The following GNLY variants were observed in gnomAD, a reference collection of about 807,000 sequenced individuals.
GNLY encodes granulysin.
GNLY carries 15 observed loss-of-function variants against 18.5 expected under a neutral mutation model. That is an observed-to-expected ratio of 0.81 (90% CI 0.54 to 1.25). The LOEUF (loss-of-function observed/expected upper bound fraction) is 1.25. Among genes scored for constraint, GNLY ranks in the 50% most tolerant of loss-of-function variants. The pLI is 0.00. For synonymous variants in GNLY, 77 were observed against 74.9 expected (o/e 1.03, Z -0.14); for missense variants, 178 against 186.9 (o/e 0.95, Z 0.28).
At chr2:85,695,685 G>A (rs1448469276) in intron 2 of GNLY, among the ~76,000 whole-genome samples, 1 of 152,192 alleles carries the variant, frequency 6.6e-6, no homozygotes. Context: ...AGACTCCCCT[G>A]GGAGTTCCTC....
Position 85,696,016 on chromosome 2 carries a change from T to C in GNLY, c.215T>C (p.Ile72Thr), listed in dbSNP as rs757879664. 15 of 1,612,142 alleles carry C rather than the reference T, an allele frequency of 9.3e-6. No homozygotes were observed. The Admixed American group carries it at 2.3e-4, about 25-fold the overall frequency. Residue 72 changes from isoleucine to threonine, a missense_variant, in exon 3 of 5, where the codon ATA (isoleucine) becomes ACA (threonine). By Grantham distance (89) the Ile-to-Thr change is moderately conservative. Coordinates refer to ENST00000263863, the MANE Select transcript of GNLY (RefSeq NM_006433.5). The part of the protein sequence containing the change: ...LGRDYRTCLT[I>T]VQKLKKMVDK... Reference sequence around the variant, plus strand: ...CGTGACTACAGGACCTGTCTGACGATAGTCCAAAAACTGAAGAAGATGGTG... The same window carrying C: ...CGTGACTACAGGACCTGTCTGACGACAGTCCAAAAACTGAAGAAGATGGTG...
intron 3 of GNLY, 91 bp downstream of exon 3, chr2:85,696,147 C>T (rs866114045): frequency 1.4e-6 from 1 of 691,660 alleles, no homozygotes. Context: ...CCCGGGGGCA[C>T]CTTGCACAGT....
In GNLY at chr2:85,697,635, C is replaced by T; in HGVS notation, c.385C>T (p.Gln129Ter). 1.2e-6 allele frequency: 2 copies of T among 1,613,534 alleles called. No individual in the cohort carries two copies. Among genetic ancestry groups the T allele is most frequent in the South Asian group, 1.1e-5 (1 of 91,070 alleles). Reference protein sequence around the residue: ...TQGLVAGETAQQICEDLRLCI... With the variant: ...TQGLVAGETA Reference sequence around the variant, plus strand: ...GGGCCTCGTGGCCGGAGAAACTGCCCAGCAGATCTGTGAGGACCTCAGGTT... The same window carrying T: ...GGGCCTCGTGGCCGGAGAAACTGCCTAGCAGATCTGTGAGGACCTCAGGTT... The change falls in exon 4 of 5, where the codon CAG (glutamine) becomes TAG (stop). Residue 129 changes from glutamine (Q) to a stop codon, truncating the protein, a stop_gained. Coordinates refer to ENST00000263863, the MANE Select transcript of GNLY (RefSeq NM_006433.5). LOFTEE classifies it high-confidence loss of function.
At chr2:85,695,848 T>C in intron 2 of GNLY, 110 bp from the exon 3 acceptor site, 1 of 671,818 alleles carries the variant, frequency 1.5e-6, no homozygotes, top group East Asian at 2.7e-5. Context: ...TGGGAAGAGA[T>C]CACGGACATT....
Position 85,698,849 on chromosome 2 carries a change from C to T in GNLY, c.*275C>T. On this transcript the variant is annotated 3_prime_UTR_variant, in exon 5 of 5. Coordinates refer to ENST00000263863, the MANE Select transcript of GNLY (RefSeq NM_006433.5). The stretch of plus-strand genomic sequence containing the variant: ...CCTTCAATAAATGTCTGTCGTGTGT[C>T]CCATACACTGTTGTAGATGTTATGG... 2.8e-6 allele frequency: 4 copies of T among 1,405,720 alleles called. No individual in the cohort carries two copies. Among genetic ancestry groups the T allele is most frequent in the Non-Finnish European group, 3.7e-6 (4 of 1,077,812 alleles). 87.1% of individuals were successfully genotyped at this position (1,405,720 alleles called of 1,614,324 possible).
In GNLY at chr2:85,694,486, C is replaced by A; in HGVS notation, c.52+16C>A. 1 of 1,612,628 alleles carries A rather than the reference C, an allele frequency of 6.2e-7. No homozygotes were observed. The highest frequency in any genetic ancestry group is 8.5e-7 in the Non-Finnish European group (1 of 1,178,744). On this transcript the variant is annotated intron_variant, in intron 1 of 4. Transcript: ENST00000263863. ...GGCAACCCAGGTAAGGCCTTCCCCT[C>A]GGGATCGATCCTGATGGCCCACCCA... is the stretch of plus-strand genomic sequence containing the variant.
rs1209987529 is a variant in GNLY, at chr2:85,694,459, T to C, written c.41T>C (p.Leu14Pro). The stretch of plus-strand genomic sequence containing the variant: ...CTCCTGCTCCTTGCAGCCATGCTCC[T>C]GGGCAACCCAGGTAAGGCCTTCCCC... Reference protein sequence around the residue: ...WALLLLAAMLLGNPGLVFSRL... With the variant: ...WALLLLAAMLPGNPGLVFSRL... The change falls in exon 1 of 5, where the codon CTG becomes CCG. Residue 14 changes from leucine (L) to proline (P), a missense_variant. Transcript: ENST00000263863. 2 of 1,613,958 alleles carry C rather than the reference T, an allele frequency of 1.2e-6. No individual in the cohort carries two copies. Among genetic ancestry groups the C allele is most frequent in the Non-Finnish European group, 1.7e-6 (2 of 1,179,970 alleles).
In GNLY at chr2:85,694,978, T is replaced by C. The variant is rs145130201; in HGVS notation, c.53-342T>C. ...TTCTGGAAGGGAGAGTGGATTTGGC[T>C]GGGCCATCTGGATGGAAGGTAAAAA... On this transcript the variant is annotated intron_variant, in intron 1 of 4. Transcript: ENST00000263863. 9.0e-5 allele frequency: 143 copies of C among 1,593,230 alleles called. No individual in the cohort carries two copies. In the African/African-American group the frequency reaches 1.5e-3, roughly 17 times the overall value.
Position 85,694,434 on chromosome 2 carries a change from C to T in GNLY, c.16C>T (p.Leu6Phe), listed in dbSNP as rs761285758. The T allele has an allele frequency of 3.1e-6, 5 of 1,614,064 alleles. No homozygotes were observed. Among genetic ancestry groups the T allele is most frequent in the Non-Finnish European group, 4.2e-6 (5 of 1,180,030 alleles). The change falls in exon 1 of 5, where the codon CTC (leucine) becomes TTC (phenylalanine). Residue 6 changes from leucine to phenylalanine, a missense_variant. Physicochemically the swap from Leu to Phe is conservative, Grantham distance 22. Coordinates refer to ENST00000263863, the MANE Select transcript of GNLY (RefSeq NM_006433.5). ...CTGCCCCACCATGGCTACCTGGGCC[C>T]TCCTGCTCCTTGCAGCCATGCTCCT... MATWA[L>F]LLLAAMLLGN...
chr2:85,695,050 G>T, intron 1 of GNLY: 1 of 1,515,070 alleles, frequency 6.6e-7, no homozygotes, highest in South Asian at 1.2e-5. Flanking sequence ...TAGACAAACC[G>T]ACCCCCAAAT....
intron 3 of GNLY, 94 bp downstream of exon 3, chr2:85,696,150 T>G (rs939469282): frequency 1.5e-6 from 1 of 676,990 alleles, no homozygotes; most frequent in Middle Eastern, 3.9e-4. Context: ...GGGGGCACCT[T>G]GCACAGTGAT....
rs568141262 is a variant in GNLY, at chr2:85,698,781, T to G, written c.*207T>G. ...GCAGCTGCTTCTTCTTTGGTGGATT[T>G]GAGGGGTGGGTGTCAGTGGCATGCT... On this transcript the variant is annotated 3_prime_UTR_variant, in exon 5 of 5. Transcript: ENST00000263863. 9.8e-5 allele frequency: 147 copies of G among 1,505,568 alleles called. No individual in the cohort carries two copies. Among genetic ancestry groups the G allele is most frequent in the Non-Finnish European group, 1.3e-4 (145 of 1,128,914 alleles). 93.3% of individuals were successfully genotyped at this position (1,505,568 alleles called of 1,614,324 possible).
At chr2:85,694,865 C>T in intron 1 of GNLY, 4 of 1,535,500 alleles carry the variant, frequency 2.6e-6, no homozygotes, top group South Asian at 1.2e-5. Context: ...AACAAGATCT[C>T]TTCTGTGTTC....
Position 85,698,674 on chromosome 2 carries a change from T to C in GNLY, c.*100T>C, listed in dbSNP as rs185536414. ...GGCTCCTCGCTTCCTCGATCCAGAA[T>C]CCACTCTCCAGTCTCCCTCCCCTGA... On this transcript the variant is annotated 3_prime_UTR_variant, in exon 5 of 5. Transcript: ENST00000263863. 4,355 of 1,607,586 alleles carry C rather than the reference T, an allele frequency of 2.7e-3. 36 individuals are homozygous for C. Among genetic ancestry groups the C allele is most frequent in the Non-Finnish European group, 2.1e-3 (2,468 of 1,178,742 alleles).
At chr2:85,694,642 T>A in intron 1 of GNLY, 172 bp downstream of exon 1, 1 of 1,082,998 alleles carries the variant, frequency 9.2e-7, no homozygotes, top group Non-Finnish European at 1.3e-6. Flanking sequence ...TAGTCCAGTG[T>A]GCTGCCCAGC....
Position 85,697,660 on chromosome 2 carries a change from T to G in GNLY, c.410T>G (p.Leu137Trp). The G allele has an allele frequency of 6.2e-7, 1 of 1,612,740 alleles. No individual in the cohort carries two copies. The highest frequency in any genetic ancestry group is 8.5e-7 in the Non-Finnish European group (1 of 1,178,734). Residue 137 changes from leucine (L) to tryptophan (W), a missense_variant, in exon 4 of 5, where the codon TTG becomes TGG. By Grantham distance (61) the Leu-to-Trp change is moderately conservative (BLOSUM62 -2). Coordinates refer to ENST00000263863, the MANE Select transcript of GNLY (RefSeq NM_006433.5). ...TAQQICEDLR[L>W]CIPSTGPL ...CAGCAGATCTGTGAGGACCTCAGGT[T>G]GTGTATACCTTCTACAGGTGAGTGC...
At chr2:85,694,502 G>C in intron 1 of GNLY, 32 bp downstream of exon 1, 1 of 1,603,276 alleles carries the variant, frequency 6.2e-7, no homozygotes, top group Non-Finnish European at 8.5e-7. Context: ...CGATCCTGAT[G>C]GCCCACCCAG....
At chr2:85,697,392 T>A in intron 3 of GNLY, 114 bp from the exon 4 acceptor site, 1 of 896,360 alleles carries the variant, frequency 1.1e-6, no homozygotes, top group Non-Finnish European at 1.8e-6. Flanking sequence ...GGGCACCAGG[T>A]GCCAGCTCCT....
At chr2:85,697,752 C>G (rs983444997) in intron 4 of GNLY, 75 bp downstream of exon 4, 1 of 981,082 alleles carries the variant, frequency 1.0e-6, no homozygotes, top group Non-Finnish European at 1.6e-6. Context: ...TCAAAGCTGC[C>G]TCCTTACTCC....
Sources: allele counts gnomAD v4.1 joint callset (sites outside exome capture counted in the v4.1 genomes callset), GRCh38; gene constraint gnomAD v4.1.1; transcripts MANE v1.5; gene names NCBI Gene and HGNC (gene_info 2026-07-23, HGNC 2026-07-21).